Variants in TNPO3 observed in about 807,000 individuals in gnomAD.
TNPO3 encodes the protein transportin 3.
TNPO3 carries 65 observed loss-of-function variants against 122.8 expected under a neutral mutation model. The observed-to-expected ratio is 0.53, with a 90% confidence interval of 0.43 to 0.65. TNPO3 has a LOEUF of 0.65. Among genes scored for constraint, TNPO3 ranks in the 30% least tolerant of loss-of-function variants. The pLI, the probability that TNPO3 is intolerant of heterozygous loss-of-function variation, is 0.00. For missense variants in TNPO3, 850 were observed against 1,136.7 expected, an observed-to-expected ratio of 0.75 and a Z score of 3.63; for synonymous variants, 372 against 411.2, an observed-to-expected ratio of 0.90 and a Z score of 1.15.
At chr7:129,020,338 A>C (rs185909153) in intron 1 of TNPO3, among the ~76,000 whole-genome samples, 155 of 152,338 alleles carry the variant, frequency 1.0e-3, no homozygotes, top group African/African-American at 3.2e-3. Context: ...TTTCTCAAGT[A>C]AAAAAATCTT....
At chr7:129,014,940 T>C in intron 4 of TNPO3, 39 bp downstream of exon 4, 1 of 1,530,864 alleles carries the variant, frequency 6.5e-7, no homozygotes, top group Non-Finnish European at 8.7e-7. Context: ...CATGGCTTTC[T>C]GCCTTTATGC....
At position 129,036,372 on chromosome 7, in the gene TNPO3, G is replaced by A. The variant is rs527337953; in HGVS notation, c.121-18215C>T. Among the ~76,000 whole-genome samples the A allele has an allele frequency of 9.9e-5, 15 of 152,012 alleles. No homozygotes were observed. The South Asian group carries it at 2.9e-3, about 29-fold the overall frequency. ...GCTGGGGCTACAGGTGTGCACCACC[G>A]TACCTGTCTTGGATTTGTTTTTTAA... On this transcript the variant is annotated intron_variant, in intron 1 of 22. Coordinates refer to ENST00000265388, the MANE Select transcript of TNPO3 (RefSeq NM_012470.4).
Position 128,970,169 on chromosome 7 carries a change from C to T in TNPO3, c.2577G>A (p.Glu859=), listed in dbSNP as rs1585324549. ...TTACCGGTCTGTCAACCTGCATGAT[C>T]TCCCAGAGCACTTCAGCCACATCTG... The part of the protein sequence containing the change: ...TLPDVAEVLW[E]IMQVDRPTFC... The change falls in exon 20 of 23, where the codon GAG becomes GAA. Residue 859 remains glutamate, a synonymous_variant. Coordinates refer to ENST00000265388, the MANE Select transcript of TNPO3 (RefSeq NM_012470.4). The T allele has an allele frequency of 6.2e-7, 1 of 1,614,198 alleles. No individual in the cohort carries two copies. Among genetic ancestry groups the T allele is most frequent in the Non-Finnish European group, 8.5e-7 (1 of 1,180,030 alleles).
intron 21 of TNPO3, among the ~76,000 whole-genome samples, chr7:128,962,920 A>G (rs1797605933): frequency 6.6e-6 from 1 of 152,064 alleles, no homozygotes; most frequent in South Asian, 2.1e-4. Context: ...CAGACTTACC[A>G]TATTATTTTA....
rs768168952 is a variant in TNPO3, at chr7:128,990,021, T to C, written c.1438A>G (p.Thr480Ala). The change falls in exon 11 of 23, where the codon ACC (threonine) becomes GCC (alanine). Residue 480 changes from threonine to alanine, a missense_variant. By Grantham distance (58) the Thr-to-Ala change is moderately conservative. Transcript: ENST00000265388. ...ATCTCTCCAACCAATTCAATGCTGG[T>C]GTATCGCACAGCCGTATGTACGGTC... ...PETVHTAVRY[T>A]SIELVGEMSE... The C allele has an allele frequency of 6.2e-7, 1 of 1,614,154 alleles. No individual in the cohort carries two copies. The highest frequency in any genetic ancestry group is 8.5e-7 in the Non-Finnish European group (1 of 1,179,998).
intron 18 of TNPO3, among the ~76,000 whole-genome samples, chr7:128,973,722 C>T (rs112186729): frequency 0.16 from 13,145 of 81,398 alleles, 1,164 homozygotes; most frequent in Middle Eastern, 0.35. Context: ...GGCGACAGAG[C>T]GAGACTCCGT....
chr7:128,957,329 G>C lies in TNPO3; in HGVS notation c.2712-14C>G, dbSNP rs375441280. On this transcript the variant is annotated splice_polypyrimidine_tract_variant and intron_variant, in intron 21 of 22. Transcript: ENST00000265388. The stretch of plus-strand genomic sequence containing the variant: ...CATTCCTCAGCACTAGAAAAGAAAA[G>C]GTAGGTTGGTCCTTGACTGAGGAGA... 2.5e-6 allele frequency: 4 copies of C among 1,613,912 alleles called. No homozygotes were observed. The highest frequency in any genetic ancestry group is 1.3e-5 in the African/African-American group (1 of 74,926).
In TNPO3 at chr7:128,991,998, C is replaced by T. The variant is rs769542368; in HGVS notation, c.1358+1G>A. On this transcript the variant is annotated splice_donor_variant, in intron 10 of 22. Transcript: ENST00000265388. LOFTEE classifies it high-confidence loss of function. Reference sequence around the variant, plus strand: ...CAGCAAAAGACTTATGAGACACTCACGGATCAACACTCTTTGCTATAGCAG... The same window carrying T: ...CAGCAAAAGACTTATGAGACACTCATGGATCAACACTCTTTGCTATAGCAG... The T allele has an allele frequency of 5.0e-6, 8 of 1,589,950 alleles. No homozygotes were observed. The highest frequency in any genetic ancestry group is 6.8e-6 in the Non-Finnish European group (8 of 1,168,936).
chr7:129,036,859 A>G (rs1806748307), intron 1 of TNPO3, among the ~76,000 whole-genome samples: 1 of 152,206 alleles, frequency 6.6e-6, no homozygotes, highest in African/African-American at 2.4e-5. Flanking sequence ...ACCATTAGAA[A>G]AGGCCAAACA....
intron 9 of TNPO3, 55 bp downstream of exon 9, chr7:128,993,752 G>T: frequency 7.0e-7 from 1 of 1,428,752 alleles, no homozygotes; most frequent in Non-Finnish European, 9.7e-7. Flanking sequence ...AGACACAGAA[G>T]TGAATACAAT....
chr7:129,038,881 G>A (rs1040409016), intron 1 of TNPO3, among the ~76,000 whole-genome samples: 18 of 152,140 alleles, frequency 1.2e-4, no homozygotes, highest in Non-Finnish European at 2.9e-5. Context: ...TGGGTCCTGG[G>A]CTTAACACCT....
At chr7:129,034,347 T>C (rs1280421525) in intron 1 of TNPO3, among the ~76,000 whole-genome samples, 1 of 151,474 alleles carries the variant, frequency 6.6e-6, no homozygotes, top group Non-Finnish European at 1.5e-5. Context: ...CAAGGTGAAA[T>C]AGCTGGGCAT....
At chr7:128,970,375 G>A in intron 19 of TNPO3, 60 bp from the exon 20 acceptor site, 3 of 1,475,380 alleles carry the variant, frequency 2.0e-6, no homozygotes, top group Non-Finnish European at 2.7e-6. Flanking sequence ...CAAAGACCAA[G>A]CACTCTTTCC....
At position 128,995,479 on chromosome 7, in the gene TNPO3, G is replaced by A. The variant is rs1357625287; in HGVS notation, c.1159-1565C>T. ...TAAGGTGAAGGAATGAGGAGGAAAC[G>A]ATGGCTATCTCAGATGAGATAATGG... On this transcript the variant is annotated intron_variant, in intron 8 of 22. Transcript: ENST00000265388. 2.6e-5 allele frequency among the ~76,000 whole-genome samples: 4 copies of A among 152,182 alleles called. No homozygotes were observed. In the South Asian group the frequency reaches 6.2e-4, roughly 24 times the overall value.
At chr7:129,051,504 T>C (rs1319616656) in intron 1 of TNPO3, among the ~76,000 whole-genome samples, 2 of 151,994 alleles carry the variant, frequency 1.3e-5, no homozygotes, top group Non-Finnish European at 2.9e-5. Context: ...CCCAACTAAT[T>C]TTCCTATTTT....
In TNPO3 at chr7:129,000,442, T is replaced by C. The variant is rs756735744; in HGVS notation, c.998A>G (p.His333Arg). The change falls in exon 7 of 23, where the codon CAT (histidine) becomes CGT (arginine). Residue 333 changes from histidine to arginine, a missense_variant. By Grantham distance (29) the His-to-Arg change is conservative. Transcript: ENST00000265388. ...CATAAACACTACCTCATATTGAGGA[T>C]GGCCTGCACAGATAAGCAGCAGCTC... ...TLELLLICAG[H>R]PQYEVVEISF... 1.9e-6 allele frequency: 3 copies of C among 1,613,256 alleles called. No individual in the cohort carries two copies. Among genetic ancestry groups the C allele is most frequent in the Non-Finnish European group, 2.5e-6 (3 of 1,179,524 alleles).
chr7:129,027,575 A>C (rs1805362568), intron 1 of TNPO3, among the ~76,000 whole-genome samples: 3 of 137,990 alleles, frequency 2.2e-5, no homozygotes, highest in African/African-American at 5.1e-5. Flanking sequence ...AAAAAAAAAA[A>C]AAAAAAAAAA....
chr7:129,012,382 T>C (rs1328354930), intron 4 of TNPO3, among the ~76,000 whole-genome samples: 1 of 152,150 alleles, frequency 6.6e-6, no homozygotes, highest in African/African-American at 2.4e-5. Context: ...AAAAGATCTA[T>C]GAACTTGCTA....
At chr7:129,002,219 C>G (rs1802015799) in intron 5 of TNPO3, among the ~76,000 whole-genome samples, 1 of 152,184 alleles carries the variant, frequency 6.6e-6, no homozygotes, top group Non-Finnish European at 1.5e-5. Context: ...CTCAGGCATG[C>G]AAAAATTCCA....
Sources: allele counts gnomAD v4.1 joint callset (sites outside exome capture counted in the v4.1 genomes callset), GRCh38; gene constraint gnomAD v4.1.1; transcripts MANE v1.5; gene names NCBI Gene and HGNC (gene_info 2026-07-23, HGNC 2026-07-21).